The following COL5A1 variants were observed in gnomAD, a reference collection of about 807,000 sequenced individuals.
COL5A1 encodes the protein collagen type V alpha 1 chain.
A neutral mutation model predicts 263.7 loss-of-function variants in COL5A1; 16 were observed. The observed-to-expected ratio is 0.06, with a 90% CI of 0.04 to 0.09. The LOEUF (loss-of-function observed/expected upper bound fraction) is 0.09. COL5A1 is among the 10% of genes least tolerant of loss of function. COL5A1 has a pLI of 1.00. For missense variants in COL5A1, 2,036 were observed against 2,540.5 expected, an observed-to-expected ratio of 0.80 and a Z score of 4.27; for synonymous variants, 1,012 against 1,004.5, an observed-to-expected ratio of 1.01 and a Z score of -0.14.
Position 134,818,373 on chromosome 9 carries a change from T to G in COL5A1, c.4231-283T>G, listed in dbSNP as rs1473649368. On this transcript the variant is annotated intron_variant, in intron 54 of 65. Transcript: ENST00000371817. This position sits in a 1 kb window ranked among gnomAD's most constrained non-coding sequence, Gnocchi z 6.0. ...GCCTGTTGTTAAGGAGACGGGAGGT[T>G]GTGCGGTTCCATCCCTGCTCGGGCA... 1.3e-5 allele frequency among the ~76,000 whole-genome samples: 2 copies of G among 152,118 alleles called. No individual in the cohort carries two copies. Among genetic ancestry groups the G allele is most frequent in the Non-Finnish European group, 2.9e-5 (2 of 67,994 alleles).
In COL5A1 at chr9:134,811,446, CTGGCATTGCCAGCAT is replaced by C. The variant is rs1036642525; in HGVS notation, c.3583-45_3583-31del. 5 of 1,613,340 alleles carry C rather than the reference CTGGCATTGCCAGCAT, an allele frequency of 3.1e-6. No individual in the cohort carries two copies. The African/African-American group carries it at 4.0e-5, about 13-fold the overall frequency. ...AAAGCCCCACGCCCCCCCAGAGCTGCTGGCATTGCCAGCATCCTCACCCATGGCCGGTTATTTCCC... is the reference window on the plus strand; with the variant it reads ...AAAGCCCCACGCCCCCCCAGAGCTGCCCTCACCCATGGCCGGTTATTTCCC... On this transcript the variant is annotated intron_variant, in intron 45 of 65. Transcript: ENST00000371817.
At chr9:134,747,891 T>TGACA (rs1835603391) in intron 11 of COL5A1, among the ~76,000 whole-genome samples, 2 of 125,378 alleles carry the variant, frequency 1.6e-5, no homozygotes, top group Admixed American at 8.2e-5. Context: ...ACACATGCAT[T>TGACA]CATACACACA....
At chr9:134,738,875 CTG>C (rs1267440121) in intron 11 of COL5A1, 67 bp downstream of exon 11, 2 of 1,332,416 alleles carry the variant, frequency 1.5e-6, no homozygotes, top group Non-Finnish European at 2.2e-6. Context: ...CCTCTCCACA[CTG>C]TGACCCGAGC....
chr9:134,803,715 C>T (rs1391302196), intron 39 of COL5A1, among the ~76,000 whole-genome samples: 1 of 152,032 alleles, frequency 6.6e-6, no homozygotes, highest in African/African-American at 2.4e-5. Flanking sequence ...TGGTGGCGGG[C>T]GCCTGTAGTC....
At chr9:134,816,953 C>T (rs1191335089) in intron 52 of COL5A1, 73 bp from the exon 53 acceptor site, 9 of 1,340,074 alleles carry the variant, frequency 6.7e-6, no homozygotes, top group South Asian at 2.3e-5. Context: ...AGACTGAAAT[C>T]GCCATGTGTT....
At chr9:134,725,135 G>A (rs1834601418) in intron 4 of COL5A1, among the ~76,000 whole-genome samples, 4 of 152,142 alleles carry the variant, frequency 2.6e-5, no homozygotes, top group African/African-American at 9.7e-5. Flanking sequence ...TCCAGGACCG[G>A]AGCACCTGGA....
At position 134,738,882 on chromosome 9, in the gene COL5A1, C is replaced by T. The variant is rs1180312168; in HGVS notation, c.1494+74C>T. On this transcript the variant is annotated intron_variant, in intron 11 of 65. Coordinates refer to ENST00000371817, the MANE Select transcript of COL5A1 (RefSeq NM_000093.5). ...CCACGCCTCCTCTCCACACTGTGAC[C>T]CGAGCTGTCCCTGCCTGTGGAGGTG... The T allele has an allele frequency of 8.0e-6, 10 of 1,251,342 alleles. No individual in the cohort carries two copies. In the African/African-American group the frequency reaches 8.9e-5, roughly 11 times the overall value. The allele number at this position is 1,251,342 out of a possible 1,614,324, so 77.5% of individuals were successfully genotyped here.
At chr9:134,750,408 C>T (rs958711336) in intron 11 of COL5A1, 134 bp from the exon 12 acceptor site, 4 of 787,502 alleles carry the variant, frequency 5.1e-6, no homozygotes, top group African/African-American at 3.4e-5. Flanking sequence ...ATTCCTGCCA[C>T]GGGGTCTCAC....
At chr9:134,697,246 C>G (rs1219485353) in intron 2 of COL5A1, among the ~76,000 whole-genome samples, 1 of 152,124 alleles carries the variant, frequency 6.6e-6, no homozygotes, top group African/African-American at 2.4e-5. Flanking sequence ...TCGAATGGGC[C>G]ATCTCACAGT....
rs183881247 is a variant in COL5A1 at position 134,814,046 on chromosome 9, C to A, written c.3906+10C>A. The A allele has an allele frequency of 4.5e-6, 7 of 1,550,264 alleles. 1 individual carries two copies. The Admixed American group carries it at 5.9e-5, about 13-fold the overall frequency. ...AGAAGGCGGCCCCCCGGTGAGTGAGCGGGCGCTGCGGGAGGGGTGGGATAT... is the reference window on the plus strand; with the variant it reads ...AGAAGGCGGCCCCCCGGTGAGTGAGAGGGCGCTGCGGGAGGGGTGGGATAT... On this transcript the variant is annotated intron_variant, in intron 49 of 65. Transcript: ENST00000371817.
At chr9:134,744,186 G>A (rs746532609) in intron 11 of COL5A1, among the ~76,000 whole-genome samples, 2 of 152,282 alleles carry the variant, frequency 1.3e-5, no homozygotes, top group Middle Eastern at 3.4e-3. Flanking sequence ...CTGTGGATGG[G>A]ACACGCCAAT....
At chr9:134,704,753 G>A (rs922113241) in intron 4 of COL5A1, among the ~76,000 whole-genome samples, 1 of 151,940 alleles carries the variant, frequency 6.6e-6, no homozygotes, top group African/African-American at 2.4e-5. Context: ...ATGAAGTCCA[G>A]CAGGATCAGC....
intron 27 of COL5A1, among the ~76,000 whole-genome samples, chr9:134,778,579 C>G (rs571163932): frequency 1.3e-5 from 2 of 152,346 alleles, no homozygotes; most frequent in Non-Finnish European, 2.9e-5. Flanking sequence ...CCCTGTCCCC[C>G]CAAGGCGCTC....
rs370937109 is a variant in COL5A1, at chr9:134,814,051, G to A, written c.3906+15G>A. 217 of 1,550,430 alleles carry A rather than the reference G, an allele frequency of 1.4e-4. No individual in the cohort carries two copies. Among genetic ancestry groups the A allele is most frequent in the African/African-American group, 1.4e-3 (102 of 73,172 alleles). ...GCGGCCCCCCGGTGAGTGAGCGGGCGCTGCGGGAGGGGTGGGATATGGCCG... is the reference window on the plus strand; with the variant it reads ...GCGGCCCCCCGGTGAGTGAGCGGGCACTGCGGGAGGGGTGGGATATGGCCG... On this transcript the variant is annotated intron_variant, in intron 49 of 65. Transcript: ENST00000371817.
chr9:134,715,383 C>T (rs1490536971), intron 4 of COL5A1, among the ~76,000 whole-genome samples: 1 of 152,124 alleles, frequency 6.6e-6, no homozygotes, highest in African/African-American at 2.4e-5. Flanking sequence ...TTCTATTGCC[C>T]AGGGACGAGC....
intron 13 of COL5A1, among the ~76,000 whole-genome samples, chr9:134,751,590 T>C (rs914626404): frequency 3.8e-5 from 5 of 132,752 alleles, no homozygotes; most frequent in African/African-American, 1.4e-4. Context: ...AGCTCATTAG[T>C]GGCCTGTGTT....
At chr9:134,769,736 G>A (rs1188813622) in intron 25 of COL5A1, among the ~76,000 whole-genome samples, 1 of 151,800 alleles carries the variant, frequency 6.6e-6, no homozygotes. Context: ...AGGAAGGGGG[G>A]CCTGGGTGTG....
Position 134,796,437 on chromosome 9 carries a change from C to T in COL5A1, c.2844+19C>T, listed in dbSNP as rs370610276. 178 of 1,613,654 alleles carry T rather than the reference C, an allele frequency of 1.1e-4. 2 individuals are homozygous for T. In the Middle Eastern group the frequency reaches 1.5e-3, roughly 13 times the overall value. On this transcript the variant is annotated intron_variant, in intron 35 of 65. Coordinates refer to ENST00000371817, the MANE Select transcript of COL5A1 (RefSeq NM_000093.5). ...TGAACGGGTAAGCAGCTGGAGCCTT[C>T]GGGGGTGTCTCCAAGGGCAGAGCCT... is the stretch of plus-strand genomic sequence containing the variant.
At chr9:134,748,477 C>G (rs1020778618) in intron 11 of COL5A1, among the ~76,000 whole-genome samples, 1 of 152,198 alleles carries the variant, frequency 6.6e-6, no homozygotes, top group Non-Finnish European at 1.5e-5. Flanking sequence ...AGACACTGAC[C>G]CCAAATCTTA....
Sources: allele counts gnomAD v4.1 joint callset (sites outside exome capture counted in the v4.1 genomes callset), GRCh38; gene constraint gnomAD v4.1.1; non-coding constraint Gnocchi (gnomAD v3.1); transcripts MANE v1.5; gene names NCBI Gene and HGNC (gene_info 2026-07-23, HGNC 2026-07-21).